The following PPP2R3A variants were observed in gnomAD, a reference collection of about 807,000 sequenced individuals.
PPP2R3A encodes serine/threonine-protein phosphatase 2A regulatory subunit B'' subunit alpha.
A neutral mutation model predicts 106.9 loss-of-function variants in PPP2R3A; 80 were observed. That is an observed-to-expected ratio of 0.75 (90% CI 0.62 to 0.90). The LOEUF (loss-of-function observed/expected upper bound fraction) is 0.90. PPP2R3A is among the 40% of genes least tolerant of loss of function. The pLI, the probability that PPP2R3A is intolerant of heterozygous loss-of-function variation, is 0.00. For missense variants in PPP2R3A, 1,386 were observed against 1,350.4 expected (o/e 1.03, Z -0.41); for synonymous variants, 483 against 468.3 (o/e 1.03, Z -0.41).
intron 3 of PPP2R3A, among the ~76,000 whole-genome samples, chr3:136,040,099 A>C (rs1417491403): frequency 6.6e-6 from 1 of 152,230 alleles, no homozygotes; most frequent in East Asian, 1.9e-4. Flanking sequence ...CCTGGGACTT[A>C]ATAACATAAT....
At chr3:135,978,008 A>G (rs780485303) in intron 1 of PPP2R3A, among the ~76,000 whole-genome samples, 11 of 152,012 alleles carry the variant, frequency 7.2e-5, no homozygotes, top group Non-Finnish European at 1.6e-4. Context: ...GCTGATCAGC[A>G]TTCTTATAAA....
At chr3:136,120,275 T>C (rs561731213) in intron 13 of PPP2R3A, among the ~76,000 whole-genome samples, 75 of 152,102 alleles carry the variant, frequency 4.9e-4, no homozygotes, top group Non-Finnish European at 3.2e-4. Flanking sequence ...ACCCCAGAAC[T>C]TAAAGTATAA....
chr3:135,996,583 C>T (rs1049172118), intron 1 of PPP2R3A, among the ~76,000 whole-genome samples: 4 of 152,164 alleles, frequency 2.6e-5, no homozygotes, highest in African/African-American at 9.7e-5. Context: ...TGCTAAGGAA[C>T]TTTTTCTCTC....
chr3:136,107,268 G>A (rs570496832), intron 13 of PPP2R3A, among the ~76,000 whole-genome samples: 1 of 150,304 alleles, frequency 6.7e-6, no homozygotes, highest in South Asian at 2.1e-4. Context: ...TTTTGAACAG[G>A]CACTATTCAT....
chr3:136,029,876 C>T (rs1934806057), intron 3 of PPP2R3A, among the ~76,000 whole-genome samples: 1 of 152,130 alleles, frequency 6.6e-6, no homozygotes, highest in Admixed American at 6.5e-5. Context: ...GTAAACTGCA[C>T]ATACCTTTAA....
chr3:135,973,964 C>T (rs1400921681), intron 1 of PPP2R3A, among the ~76,000 whole-genome samples: 1 of 152,178 alleles, frequency 6.6e-6, no homozygotes, highest in Non-Finnish European at 1.5e-5. Flanking sequence ...TAATCAGGCC[C>T]CTTCCCCCAC....
At chr3:136,003,901 G>A (rs998319451) in intron 2 of PPP2R3A, among the ~76,000 whole-genome samples, 3 of 152,200 alleles carry the variant, frequency 2.0e-5, no homozygotes, top group Admixed American at 6.5e-5. Flanking sequence ...AGCCAACCAA[G>A]AGACCAGTTG....
At chr3:136,102,401 C>G (rs940124097) in intron 11 of PPP2R3A, among the ~76,000 whole-genome samples, 2 of 134,760 alleles carry the variant, frequency 1.5e-5, no homozygotes, top group Non-Finnish European at 3.1e-5. Context: ...GGCTGGAGTA[C>G]AATGGTGTGA....
intron 4 of PPP2R3A, among the ~76,000 whole-genome samples, chr3:136,047,702 C>T (rs1935520421): frequency 6.6e-6 from 1 of 151,928 alleles, no homozygotes; most frequent in Non-Finnish European, 1.5e-5. Context: ...GAGATCGATA[C>T]CATCCTGGCT....
chr3:136,109,949 GA>G (rs1937569917), intron 13 of PPP2R3A, among the ~76,000 whole-genome samples: 1 of 151,896 alleles, frequency 6.6e-6, no homozygotes, highest in African/African-American at 2.4e-5. Flanking sequence ...AAGAAGACCA[GA>G]AGAAGATGTG....
chr3:136,050,184 G>A (rs754104730), intron 5 of PPP2R3A, among the ~76,000 whole-genome samples: 1 of 152,116 alleles, frequency 6.6e-6, no homozygotes, highest in Non-Finnish European at 1.5e-5. Context: ...TTCACTGATG[G>A]AACCAGATAA....
intron 5 of PPP2R3A, 81 bp from the exon 6 acceptor site, chr3:136,070,397 G>A: frequency 9.4e-7 from 1 of 1,065,028 alleles, no homozygotes; most frequent in Non-Finnish European, 1.3e-6. Context: ...TGCTCAACTG[G>A]CAACATACAG....
intron 12 of PPP2R3A, 50 bp from the exon 13 acceptor site, chr3:136,106,166 C>T: frequency 1.3e-6 from 2 of 1,482,082 alleles, no homozygotes; most frequent in Non-Finnish European, 1.9e-6. Flanking sequence ...ATCTCCAATT[C>T]TTTGTCTTTG....
chr3:135,978,403 A>G (rs1313861346), intron 1 of PPP2R3A, among the ~76,000 whole-genome samples: 2 of 151,838 alleles, frequency 1.3e-5, no homozygotes, highest in Non-Finnish European at 2.9e-5. Context: ...CCAATGTGGT[A>G]TTAAATAATT....
intron 1 of PPP2R3A, among the ~76,000 whole-genome samples, chr3:135,991,688 A>G (rs1022659477): frequency 2.0e-5 from 3 of 152,188 alleles, no homozygotes; most frequent in Non-Finnish European, 4.4e-5. Flanking sequence ...CCCCAGAGCC[A>G]TTTTTCATCC....
intron 3 of PPP2R3A, among the ~76,000 whole-genome samples, chr3:136,038,318 G>A (rs1349377269): frequency 6.6e-6 from 1 of 152,054 alleles, no homozygotes; most frequent in East Asian, 1.9e-4. Flanking sequence ...TCTTTGTTCT[G>A]TACCCTGTCT....
At chr3:136,136,800 G>T (rs79966407) in intron 13 of PPP2R3A, among the ~76,000 whole-genome samples, 12,420 of 152,180 alleles carry the variant, frequency 0.082, 643 homozygotes, top group African/African-American at 0.15. Flanking sequence ...AACAATCACA[G>T]GTAGCCATTG....
chr3:136,068,606 A>G (rs1386506813), intron 5 of PPP2R3A, among the ~76,000 whole-genome samples: 1 of 152,252 alleles, frequency 6.6e-6, no homozygotes, highest in Non-Finnish European at 1.5e-5. Context: ...CAGAATAGAA[A>G]CAAAATCACT....
chr3:136,060,877 G>C (rs376888113), intron 5 of PPP2R3A, among the ~76,000 whole-genome samples: 19 of 152,108 alleles, frequency 1.2e-4, no homozygotes, highest in African/African-American at 4.6e-4. Flanking sequence ...AAATTGCTAA[G>C]ACAGTAGATT....
Sources: gnomAD v4.1 joint callset for allele counts (sites outside exome capture counted in the v4.1 genomes callset) on GRCh38, gnomAD v4.1.1 for gene constraint, MANE v1.5 for transcripts, NCBI Gene and HGNC (gene_info 2026-07-23, HGNC 2026-07-21) for gene names.